BTBD9: variants seen among roughly 807,000 people sequenced by gnomAD.
BTBD9 encodes the protein BTB domain containing 9.
In BTBD9, 49 loss-of-function variants were observed where a neutral mutation model predicts 64.3. That is an observed-to-expected ratio of 0.76 (90% CI 0.61 to 0.97). BTBD9 has a LOEUF of 0.97. BTBD9 is among the 50% of genes least tolerant of loss of function. The pLI is 0.00. For synonymous variants in BTBD9, 260 were observed against 274.7 expected, an observed-to-expected ratio of 0.95 and a Z score of 0.53; for missense variants, 598 against 762.1, an observed-to-expected ratio of 0.78 and a Z score of 2.53.
At chr6:38,481,242 A>G (rs985664424) in intron 6 of BTBD9, among the ~76,000 whole-genome samples, 7 of 152,218 alleles carry the variant, frequency 4.6e-5, no homozygotes, top group African/African-American at 1.7e-4. Flanking sequence ...GCAGGAATCT[A>G]GCCCTTCTTC....
intron 10 of BTBD9, among the ~76,000 whole-genome samples, chr6:38,187,441 G>A (rs1037713615): frequency 6.6e-6 from 1 of 152,178 alleles, no homozygotes; most frequent in African/African-American, 2.4e-5. Context: ...CAATGGAAGC[G>A]GAGGGTGGAT....
At chr6:38,486,776 T>C (rs367864784) in intron 6 of BTBD9, among the ~76,000 whole-genome samples, 19 of 152,342 alleles carry the variant, frequency 1.2e-4, no homozygotes, top group Non-Finnish European at 5.9e-5. Flanking sequence ...AGTAAGCACA[T>C]GCTGCTGGAA....
rs183241973 is a variant in BTBD9 at position 38,423,139 on chromosome 6, T to A, written c.1155-78046A>T. Among the ~76,000 whole-genome samples, 471 of 151,872 alleles carry A rather than the reference T, an allele frequency of 3.1e-3. 5 individuals are homozygous for A. Among genetic ancestry groups the A allele is most frequent in the Non-Finnish European group, 2.9e-3 (196 of 67,936 alleles). On this transcript the variant is annotated intron_variant, in intron 6 of 10. Transcript: ENST00000481247. ...AATTAGCCAGGCTTGGTGGTGCATG[T>A]CTGTAATCCCAGCTACTCAGGAGGC...
intron 9 of BTBD9, among the ~76,000 whole-genome samples, chr6:38,206,510 G>C (rs1224385021): frequency 6.6e-6 from 1 of 151,998 alleles, no homozygotes; most frequent in Non-Finnish European, 1.5e-5. Context: ...CAAAGTGCTG[G>C]GATTACAGGC....
At chr6:38,635,370 A>C (rs1582748988) in intron 1 of BTBD9, among the ~76,000 whole-genome samples, 1 of 152,118 alleles carries the variant, frequency 6.6e-6, no homozygotes, top group South Asian at 2.1e-4. Context: ...TCCTGACCTC[A>C]AGTGATCCAC....
chr6:38,444,692 C>T (rs1769191967), intron 6 of BTBD9, among the ~76,000 whole-genome samples: 1 of 152,080 alleles, frequency 6.6e-6, no homozygotes, highest in Non-Finnish European at 1.5e-5. Context: ...CATAGGGCTG[C>T]TATGAGGATT....
chr6:38,255,343 G>A (rs963999575), intron 9 of BTBD9, among the ~76,000 whole-genome samples: 3 of 152,158 alleles, frequency 2.0e-5, no homozygotes, highest in African/African-American at 4.8e-5. Context: ...ATATTAGAAA[G>A]CAGTGATGGT....
intron 6 of BTBD9, among the ~76,000 whole-genome samples, chr6:38,557,566 T>C (rs184845321): frequency 8.6e-4 from 131 of 152,352 alleles, no homozygotes; most frequent in African/African-American, 3.1e-3. Context: ...GCCTTACCTA[T>C]GTTATAAACC....
chr6:38,456,273 C>G (rs1191697147), intron 6 of BTBD9, among the ~76,000 whole-genome samples: 1 of 152,206 alleles, frequency 6.6e-6, no homozygotes, highest in Non-Finnish European at 1.5e-5. Flanking sequence ...CATGACTGAG[C>G]CACTGTGCCC....
At chr6:38,228,774 T>C (rs994653509) in intron 9 of BTBD9, among the ~76,000 whole-genome samples, 5 of 151,972 alleles carry the variant, frequency 3.3e-5, no homozygotes, top group African/African-American at 1.2e-4. Flanking sequence ...CTCAGGAGGC[T>C]GAGGCAGGAG....
chr6:38,333,249 A>C (rs1195049295), intron 7 of BTBD9, among the ~76,000 whole-genome samples: 1 of 152,160 alleles, frequency 6.6e-6, no homozygotes, highest in Non-Finnish European at 1.5e-5. Flanking sequence ...ATGTAAAAAG[A>C]AAGGGCAAGA....
rs1408225067 is a variant in BTBD9, at chr6:38,596,149, C to CAGCATTGAGAACCTGTCTAAGGT, written c.185+1738_185+1760dup. Reference sequence around the variant, plus strand: ...ACATTCCTTTGCACATGAATACAGTCAGCATTGAGAACCTGTCTAAGGTAG... The same window carrying CAGCATTGAGAACCTGTCTAAGGT: ...ACATTCCTTTGCACATGAATACAGTCAGCATTGAGAACCTGTCTAAGGTAGCATTGAGAACCTGTCTAAGGTAG... On this transcript the variant is annotated intron_variant, in intron 2 of 10. Coordinates refer to ENST00000481247, the MANE Select transcript of BTBD9 (RefSeq NM_001099272.2). The CAGCATTGAGAACCTGTCTAAGGT allele has an allele frequency of 5.4e-6, 4 of 742,262 alleles. No homozygotes were observed. In the East Asian group the frequency reaches 5.2e-4, roughly 96 times the overall value. The allele number at this position is 742,262 out of a possible 1,614,324, so 46.0% of individuals were successfully genotyped here.
At chr6:38,417,690 T>C (rs567373358) in intron 6 of BTBD9, among the ~76,000 whole-genome samples, 2 of 151,720 alleles carry the variant, frequency 1.3e-5, no homozygotes, top group East Asian at 3.9e-4. Flanking sequence ...GGAGGATCAC[T>C]GGAGCCTGGG....
intron 6 of BTBD9, among the ~76,000 whole-genome samples, chr6:38,385,639 T>C (rs928438976): frequency 1.3e-5 from 2 of 152,136 alleles, no homozygotes; most frequent in Non-Finnish European, 2.9e-5. Context: ...CCTAGAGTGC[T>C]CAAATAAATG....
chr6:38,233,782 C>T (rs1202053227), intron 9 of BTBD9, among the ~76,000 whole-genome samples: 2 of 152,190 alleles, frequency 1.3e-5, no homozygotes, highest in Non-Finnish European at 2.9e-5. Context: ...AACCTGAATT[C>T]GGCTGCCACA....
In BTBD9 at chr6:38,552,956, C is replaced by T. The variant is rs973153647; in HGVS notation, c.1154+24644G>A. 3.3e-5 allele frequency among the ~76,000 whole-genome samples: 5 copies of T among 152,092 alleles called. No individual in the cohort carries two copies. In the East Asian group the frequency reaches 5.8e-4, roughly 18 times the overall value. ...TGCTCAAGTACCTTACATCAAATGG[C>T]ACAGTATTTGTATAGTATAACCTAC... On this transcript the variant is annotated intron_variant, in intron 6 of 10. Transcript: ENST00000481247.
rs577937284 is a variant in BTBD9, at chr6:38,525,513, G to A, written c.1154+52087C>T. ...AAGCCACTTTGGAACTGGGTAACAGGCAGAGACTGGAACAATTTGGAGGGC... is the reference window on the plus strand; with the variant it reads ...AAGCCACTTTGGAACTGGGTAACAGACAGAGACTGGAACAATTTGGAGGGC... On this transcript the variant is annotated intron_variant, in intron 6 of 10. Coordinates refer to ENST00000481247, the MANE Select transcript of BTBD9 (RefSeq NM_001099272.2). Among the ~76,000 whole-genome samples, 3 of 152,314 alleles carry A rather than the reference G, an allele frequency of 2.0e-5. No homozygotes were observed. The East Asian group carries it at 5.8e-4, about 29-fold the overall frequency.
At chr6:38,370,449 C>T (rs1241553679) in intron 6 of BTBD9, among the ~76,000 whole-genome samples, 1 of 152,178 alleles carries the variant, frequency 6.6e-6, no homozygotes, top group Non-Finnish European at 1.5e-5. Context: ...TGGCTTCTTT[C>T]CCATGGTCAT....
At chr6:38,618,647 A>T (rs1777877849) in intron 1 of BTBD9, among the ~76,000 whole-genome samples, 1 of 152,206 alleles carries the variant, frequency 6.6e-6, no homozygotes, top group South Asian at 2.1e-4. Context: ...ACCCAGGTGC[A>T]TGTCCCCTTT....
Sources: allele counts gnomAD v4.1 joint callset (sites outside exome capture counted in the v4.1 genomes callset), GRCh38; gene constraint gnomAD v4.1.1; transcripts MANE v1.5; gene names NCBI Gene and HGNC (gene_info 2026-07-23, HGNC 2026-07-21).